TBC1D22A: variants seen among roughly 807,000 people sequenced by gnomAD.
The protein encoded by TBC1D22A is putative GTPase activator.
In TBC1D22A, 38 loss-of-function variants were observed where a neutral mutation model predicts 60.2. The observed-to-expected ratio is 0.63, with a 90% confidence interval of 0.49 to 0.83. TBC1D22A has a LOEUF of 0.83. Among genes scored for constraint, TBC1D22A ranks in the 40% least tolerant of loss-of-function variants. The pLI, the probability that TBC1D22A is intolerant of heterozygous loss-of-function variation, is 0.00. For missense variants in TBC1D22A, 628 were observed against 701.0 expected (o/e 0.90, Z 1.18); for synonymous variants, 302 against 281.7 (o/e 1.07, Z -0.72).
intron 11 of TBC1D22A, among the ~76,000 whole-genome samples, chr22:47,061,510 T>C (rs2063576633): frequency 6.6e-6 from 1 of 152,118 alleles, no homozygotes; most frequent in Non-Finnish European, 1.5e-5. Context: ...CACAGAAGCT[T>C]CGAGCGCAGA....
intron 10 of TBC1D22A, among the ~76,000 whole-genome samples, chr22:47,026,448 A>T (rs964165143): frequency 1.3e-5 from 2 of 152,232 alleles, no homozygotes; most frequent in East Asian, 3.8e-4. Flanking sequence ...CATCTAGACC[A>T]AAAAGGAAGA....
chr22:46,836,631 C>T (rs866773685), intron 4 of TBC1D22A, among the ~76,000 whole-genome samples: 1 of 151,792 alleles, frequency 6.6e-6, no homozygotes, highest in South Asian at 2.1e-4. Flanking sequence ...CCTTACCAAT[C>T]GGTAATTACT....
At chr22:47,078,835 C>T (rs1398990328) in intron 11 of TBC1D22A, among the ~76,000 whole-genome samples, 1 of 152,118 alleles carries the variant, frequency 6.6e-6, no homozygotes, top group Non-Finnish European at 1.5e-5. Context: ...AGGAATGCTC[C>T]CACGGAGACT....
intron 11 of TBC1D22A, among the ~76,000 whole-genome samples, chr22:47,063,434 A>G (rs1006264190): frequency 7.2e-5 from 11 of 152,228 alleles, no homozygotes; most frequent in East Asian, 3.9e-4. Context: ...CGTCTGGGTG[A>G]TGGAGAGGAC....
chr22:46,906,391 CT>C (rs2069467079), intron 7 of TBC1D22A, among the ~76,000 whole-genome samples: 1 of 152,008 alleles, frequency 6.6e-6, no homozygotes, highest in African/African-American at 2.4e-5. Context: ...ATTGGCGAGG[CT>C]GGTGTGCATT....
chr22:46,822,414 TG>T (rs754882238), intron 4 of TBC1D22A, among the ~76,000 whole-genome samples: 24 of 152,174 alleles, frequency 1.6e-4, no homozygotes, highest in Admixed American at 8.5e-4. Context: ...GACCCTTAGT[TG>T]GGGTTTTTTT....
intron 10 of TBC1D22A, among the ~76,000 whole-genome samples, chr22:47,026,357 G>A (rs1012655915): frequency 6.6e-6 from 1 of 152,154 alleles, no homozygotes; most frequent in East Asian, 1.9e-4. Flanking sequence ...ACTTCTGTCC[G>A]GTGTGTATAC....
intron 11 of TBC1D22A, among the ~76,000 whole-genome samples, chr22:47,057,621 A>G (rs995736219): frequency 1.3e-5 from 2 of 152,200 alleles, no homozygotes; most frequent in Non-Finnish European, 2.9e-5. Flanking sequence ...ATGGAAGACG[A>G]AGGAGGAGCA....
At chr22:46,882,704 C>G (rs978720644) in intron 5 of TBC1D22A, among the ~76,000 whole-genome samples, 1 of 152,184 alleles carries the variant, frequency 6.6e-6, no homozygotes, top group African/African-American at 2.4e-5. Flanking sequence ...GTGAGTCCTT[C>G]CAGGATCCAG....
intron 4 of TBC1D22A, among the ~76,000 whole-genome samples, chr22:46,861,179 A>G (rs185316955): frequency 1.3e-5 from 2 of 152,188 alleles, no homozygotes; most frequent in East Asian, 1.9e-4. Flanking sequence ...GTTGGTCTCA[A>G]ACTCCTGGGG....
At chr22:46,965,522 A>G (rs2073759649) in intron 8 of TBC1D22A, among the ~76,000 whole-genome samples, 1 of 152,208 alleles carries the variant, frequency 6.6e-6, no homozygotes, top group African/African-American at 2.4e-5. Flanking sequence ...TGCATTCGTC[A>G]TCTCCGGAGC....
intron 11 of TBC1D22A, among the ~76,000 whole-genome samples, chr22:47,071,844 A>G (rs2064005413): frequency 6.6e-6 from 1 of 152,118 alleles, no homozygotes; most frequent in African/African-American, 2.4e-5. Context: ...CTCGGAGTGG[A>G]GAGACAGTTT....
At chr22:46,876,352 A>G (rs1422704481) in intron 4 of TBC1D22A, among the ~76,000 whole-genome samples, 1 of 152,266 alleles carries the variant, frequency 6.6e-6, no homozygotes, top group Non-Finnish European at 1.5e-5. Flanking sequence ...ATTCTATTAC[A>G]AAGACACATG....
At chr22:47,037,447 A>G (rs1364733894) in intron 11 of TBC1D22A, among the ~76,000 whole-genome samples, 1 of 152,174 alleles carries the variant, frequency 6.6e-6, no homozygotes, top group African/African-American at 2.4e-5. Context: ...CATGGGCAAC[A>G]TGGCAAAACC....
chr22:46,935,486 A>G (rs982943944), intron 8 of TBC1D22A, among the ~76,000 whole-genome samples: 1 of 152,228 alleles, frequency 6.6e-6, no homozygotes, highest in Non-Finnish European at 1.5e-5. Context: ...CAGTTTGAAA[A>G]TACAGTTAGA....
intron 12 of TBC1D22A, among the ~76,000 whole-genome samples, chr22:47,171,493 C>T (rs1428479302): frequency 1.3e-5 from 2 of 152,174 alleles, no homozygotes; most frequent in Non-Finnish European, 1.5e-5. Flanking sequence ...GTGTAGACCC[C>T]TCCCTCAGGG....
At chr22:46,982,758 GC>G (rs1322563395) in intron 9 of TBC1D22A, among the ~76,000 whole-genome samples, 1 of 152,192 alleles carries the variant, frequency 6.6e-6, no homozygotes, top group African/African-American at 2.4e-5. Context: ...GGATTCAGGA[GC>G]CTAAACTAGG....
At chr22:46,881,620 G>A (rs2067855826) in intron 5 of TBC1D22A, among the ~76,000 whole-genome samples, 1 of 152,230 alleles carries the variant, frequency 6.6e-6, no homozygotes, top group South Asian at 2.1e-4. Flanking sequence ...AGCAGTGCTG[G>A]TTGTAAGGGG....
At chr22:46,880,006 T>C (rs131874) in intron 5 of TBC1D22A, among the ~76,000 whole-genome samples, 79,931 of 151,892 alleles carry the variant, frequency 0.53, 23,138 homozygotes, top group Middle Eastern at 0.73. Flanking sequence ...GGCAGGTGGG[T>C]GTAGGTGGAG....
Sources: allele counts gnomAD v4.1 joint callset (sites outside exome capture counted in the v4.1 genomes callset), GRCh38; gene constraint gnomAD v4.1.1; transcripts MANE v1.5; gene names NCBI Gene and HGNC (gene_info 2026-07-23, HGNC 2026-07-21).